RANBP10: variants seen among roughly 807,000 people sequenced by gnomAD.
The protein encoded by RANBP10 is ran-binding protein 10.
Under a neutral mutation model 72.8 loss-of-function variants are expected in RANBP10, and 24 were observed. That is an observed-to-expected ratio of 0.33 (90% CI 0.24 to 0.46). The LOEUF is 0.46. RANBP10 is among the 20% of genes least tolerant of loss of function. The probability of loss-of-function intolerance (pLI) is 1.00; values close to 1 mark genes in which losing one functional copy is unlikely to be tolerated. For missense variants in RANBP10, 679 were observed against 817.5 expected (o/e 0.83, Z 2.07); for synonymous variants, 310 against 322.3 (o/e 0.96, Z 0.41).
intron 2 of RANBP10, among the ~76,000 whole-genome samples, chr16:67,804,536 G>A (rs2055297370): frequency 6.6e-6 from 1 of 151,872 alleles, no homozygotes; most frequent in South Asian, 2.1e-4. Flanking sequence ...CAAGTAGCTG[G>A]GATTACAGGT....
chr16:67,777,762 A>G (rs1286008325), intron 2 of RANBP10, among the ~76,000 whole-genome samples: 1 of 152,200 alleles, frequency 6.6e-6, no homozygotes, highest in Non-Finnish European at 1.5e-5. Flanking sequence ...ACAGAAATAG[A>G]AAAATCCATA....
intron 5 of RANBP10, among the ~76,000 whole-genome samples, chr16:67,737,232 G>A (rs1005206909): frequency 1.9e-4 from 23 of 118,968 alleles, no homozygotes; most frequent in Admixed American, 7.2e-4. Context: ...ACGGAGGCTC[G>A]CTCTGTCGCC....
At chr16:67,728,631 A>G (rs768895965) in intron 10 of RANBP10, 120 bp from the exon 11 acceptor site, 1 of 1,548,772 alleles carries the variant, frequency 6.5e-7, no homozygotes, top group Non-Finnish European at 8.7e-7. Context: ...CCCCAGGAAC[A>G]TGAAAGGACA....
intron 2 of RANBP10, among the ~76,000 whole-genome samples, chr16:67,795,915 ATTTT>A: frequency 7.5e-6 from 1 of 134,208 alleles, no homozygotes. Context: ...AAATATTTTG[ATTTT>A]TTTTTTTTTT....
At chr16:67,789,716 C>T (rs1192359036) in intron 2 of RANBP10, among the ~76,000 whole-genome samples, 1 of 151,726 alleles carries the variant, frequency 6.6e-6, no homozygotes, top group Non-Finnish European at 1.5e-5. Context: ...GGTGATCCAC[C>T]CATCTCAGTC....
chr16:67,748,812 G>A (rs2054140574), intron 3 of RANBP10, among the ~76,000 whole-genome samples: 1 of 152,068 alleles, frequency 6.6e-6, no homozygotes. Flanking sequence ...GCCATGACAA[G>A]CCCAGGACCT....
rs140282892 is a variant in RANBP10 at position 67,783,760 on chromosome 16, C to T, written c.348-11674G>A. Among the ~76,000 whole-genome samples, 1,300 of 152,156 alleles carry T rather than the reference C, an allele frequency of 8.5e-3. 7 individuals carry two copies. Among genetic ancestry groups the T allele is most frequent in the African/African-American group, 0.022 (933 of 41,562 alleles). ...AATCAAAAAGCCACTAAGAAGACAT[C>T]AGGCTGAGTGCGGTGGCTCACGCCT... On this transcript the variant is annotated intron_variant, in intron 2 of 13. Transcript: ENST00000317506.
At chr16:67,740,098 CTTTT>C (rs892700613) in intron 4 of RANBP10, among the ~76,000 whole-genome samples, 1 of 131,298 alleles carries the variant, frequency 7.6e-6, no homozygotes. Context: ...CAGGTTCACA[CTTTT>C]TTTTTTTTTT....
chr16:67,770,962 T>C (rs925287556), intron 3 of RANBP10, among the ~76,000 whole-genome samples: 2 of 151,092 alleles, frequency 1.3e-5, no homozygotes, highest in African/African-American at 2.4e-5. Flanking sequence ...AAAAGAAAAA[T>C]AATAGATGAT....
intron 2 of RANBP10, among the ~76,000 whole-genome samples, chr16:67,782,949 ACTCT>A (rs1245965260): frequency 6.6e-6 from 1 of 150,952 alleles, no homozygotes; most frequent in Non-Finnish European, 1.5e-5. Flanking sequence ...CACTCATCAG[ACTCT>A]CTCTGGATCA....
intron 3 of RANBP10, among the ~76,000 whole-genome samples, chr16:67,760,269 T>C (rs1011967719): frequency 2.6e-5 from 4 of 152,202 alleles, no homozygotes; most frequent in African/African-American, 9.7e-5. Context: ...ACCTTGTTAT[T>C]TCTTTTCATT....
chr16:67,761,298 C>T (rs929472338), intron 3 of RANBP10, among the ~76,000 whole-genome samples: 1 of 152,188 alleles, frequency 6.6e-6, no homozygotes, highest in Non-Finnish European at 1.5e-5. Flanking sequence ...TTATCATCTG[C>T]CCCAGGTTCC....
chr16:67,750,091 A>G (rs918143432), intron 3 of RANBP10, among the ~76,000 whole-genome samples: 4 of 152,236 alleles, frequency 2.6e-5, no homozygotes, highest in African/African-American at 9.6e-5. Flanking sequence ...ACAGCACAAC[A>G]GATGTTGCCA....
chr16:67,791,109 G>A (rs2055017318), intron 2 of RANBP10, among the ~76,000 whole-genome samples: 2 of 151,476 alleles, frequency 1.3e-5, no homozygotes, highest in Admixed American at 1.3e-4. Context: ...TGCCTCCCGG[G>A]TTGAAGCGAT....
chr16:67,757,476 C>T (rs1446841622), intron 3 of RANBP10, among the ~76,000 whole-genome samples: 1 of 152,112 alleles, frequency 6.6e-6, no homozygotes, highest in South Asian at 2.1e-4. Flanking sequence ...ATGAGTGCTG[C>T]GCTGGCTTGG....
At chr16:67,779,117 G>A (rs1489796242) in intron 2 of RANBP10, among the ~76,000 whole-genome samples, 1 of 146,898 alleles carries the variant, frequency 6.8e-6, no homozygotes, top group African/African-American at 2.5e-5. Flanking sequence ...AAAATAGTCT[G>A]GGCGCAGTGG....
intron 2 of RANBP10, among the ~76,000 whole-genome samples, chr16:67,799,326 T>C (rs1320116037): frequency 2.9e-5 from 4 of 140,264 alleles, no homozygotes; most frequent in East Asian, 4.3e-4. Context: ...CTCGCTCTGT[T>C]GCCCAGGCTG....
chr16:67,772,950 G>A (rs2054634737), intron 2 of RANBP10, among the ~76,000 whole-genome samples: 1 of 152,162 alleles, frequency 6.6e-6, no homozygotes, highest in African/African-American at 2.4e-5. Flanking sequence ...GACTTTTTAA[G>A]TTAATGCTGG....
chr16:67,769,319 T>G (rs2054562241), intron 3 of RANBP10, among the ~76,000 whole-genome samples: 1 of 148,746 alleles, frequency 6.7e-6, no homozygotes, highest in Non-Finnish European at 1.5e-5. Flanking sequence ...TGGCATGTAC[T>G]TATAGTCCCA....
Sources: gnomAD v4.1 joint callset for allele counts (sites outside exome capture counted in the v4.1 genomes callset) on GRCh38, gnomAD v4.1.1 for gene constraint, MANE v1.5 for transcripts, NCBI Gene and HGNC (gene_info 2026-07-23, HGNC 2026-07-21) for gene names.